The following RABGEF1 variants were observed in gnomAD, a reference collection of about 807,000 sequenced individuals.
RABGEF1 encodes RAB guanine nucleotide exchange factor 1.
In RABGEF1, 26 loss-of-function variants were observed where a neutral mutation model predicts 57.3. That is an observed-to-expected ratio of 0.45 (90% CI 0.33 to 0.63). The LOEUF is 0.63. Ranked by LOEUF, RABGEF1 falls within the 20% of genes least tolerant of loss-of-function variation. The pLI is 0.02. For missense variants in RABGEF1, 464 were observed against 607.6 expected, an observed-to-expected ratio of 0.76 and a Z score of 2.48; for synonymous variants, 185 against 210.7, an observed-to-expected ratio of 0.88 and a Z score of 1.06.
intron 4 of RABGEF1, among the ~76,000 whole-genome samples, chr7:66,784,878 CATG>C (rs1810797569): frequency 6.6e-6 from 1 of 151,422 alleles, no homozygotes; most frequent in African/African-American, 2.4e-5. Flanking sequence ...AGTTAGGAAA[CATG>C]ATAGATATCC....
intron 1 of RABGEF1, among the ~76,000 whole-genome samples, chr7:66,746,288 G>A (rs1434429770): frequency 2.0e-5 from 3 of 150,242 alleles, no homozygotes; most frequent in Non-Finnish European, 1.5e-5. Context: ...TAGGAAGTGT[G>A]ATTTTTTTTT....
the RABGEF1 span, among the ~76,000 whole-genome samples, chr7:66,657,710 A>G: frequency 6.6e-6 from 1 of 152,160 alleles, no homozygotes; most frequent in Non-Finnish European, 1.5e-5. Context: ...AATCCCAGCT[A>G]CTTGGGAGGC....
chr7:66,720,324 A>G (rs1274878266), intron 2 of RABGEF1, among the ~76,000 whole-genome samples: 1 of 151,204 alleles, frequency 6.6e-6, no homozygotes, highest in Non-Finnish European at 1.5e-5. Context: ...CAGCCACCCC[A>G]GTAGCTAGGA....
At chr7:66,690,125 G>A (rs967210427) in intron 1 of RABGEF1, among the ~76,000 whole-genome samples, 3 of 140,946 alleles carry the variant, frequency 2.1e-5, no homozygotes, top group East Asian at 2.1e-4. Flanking sequence ...TTTTTGAGAC[G>A]GAGTCTCGCT....
At chr7:66,771,197 G>T (rs1407998632) in intron 1 of RABGEF1, among the ~76,000 whole-genome samples, 12 of 152,066 alleles carry the variant, frequency 7.9e-5, no homozygotes, top group Non-Finnish European at 1.8e-4. Context: ...GGAGTGCAGT[G>T]GCGTGATCTT....
chr7:66,743,651 G>C (rs559078777), intron 1 of RABGEF1, among the ~76,000 whole-genome samples: 10 of 152,176 alleles, frequency 6.6e-5, no homozygotes, highest in Admixed American at 5.2e-4. Flanking sequence ...ACAGATGCCC[G>C]CCACCATGCC....
chr7:66,730,456 A>G (rs1797176190), intron 2 of RABGEF1, among the ~76,000 whole-genome samples: 1 of 152,130 alleles, frequency 6.6e-6, no homozygotes. Context: ...CAGTGTTGCA[A>G]TCATAGCTCA....
chr7:66,767,519 T>A (rs149299913), intron 1 of RABGEF1, among the ~76,000 whole-genome samples: 1 of 152,360 alleles, frequency 6.6e-6, no homozygotes, highest in African/African-American at 2.4e-5. Context: ...ATGTAAACTT[T>A]TAAGATGGCT....
intron 4 of RABGEF1, among the ~76,000 whole-genome samples, chr7:66,786,128 C>G (rs925374447): frequency 6.6e-6 from 1 of 152,212 alleles, no homozygotes; most frequent in African/African-American, 2.4e-5. Context: ...TTGCCCACAT[C>G]TTTCCCACAT....
intron 2 of RABGEF1, among the ~76,000 whole-genome samples, chr7:66,712,608 C>T (rs1358104700): frequency 3.3e-5 from 5 of 151,926 alleles, no homozygotes; most frequent in African/African-American, 1.2e-4. Context: ...GTAGCTGAGA[C>T]TATAGGTGTG....
chr7:66,675,293 G>T, the RABGEF1 span, among the ~76,000 whole-genome samples: 1 of 152,234 alleles, frequency 6.6e-6, no homozygotes, highest in East Asian at 1.9e-4. Flanking sequence ...AGCCAGGCGT[G>T]GTGGCAGGAG....
intron 2 of RABGEF1, among the ~76,000 whole-genome samples, chr7:66,725,870 G>A (rs1030553173): frequency 9.9e-5 from 15 of 152,234 alleles, no homozygotes; most frequent in East Asian, 5.8e-4. Context: ...TGAGGGGGAC[G>A]TGGACCCTTC....
intron 2 of RABGEF1, among the ~76,000 whole-genome samples, chr7:66,713,025 G>A (rs1286554636): frequency 6.6e-6 from 1 of 150,682 alleles, no homozygotes; most frequent in African/African-American, 2.4e-5. Context: ...TTGTTGATAG[G>A]GCTGGTCTCG....
At chr7:66,673,499 G>A in the RABGEF1 span, among the ~76,000 whole-genome samples, 1 of 151,214 alleles carries the variant, frequency 6.6e-6, no homozygotes, top group Non-Finnish European at 1.5e-5. Flanking sequence ...CCCCACTTGA[G>A]CCTCATTTAT....
intron 1 of RABGEF1, among the ~76,000 whole-genome samples, chr7:66,693,342 C>T (rs1791823886): frequency 6.6e-6 from 1 of 152,182 alleles, no homozygotes; most frequent in African/African-American, 2.4e-5. Context: ...ATTGCAAACA[C>T]GTTGAATACT....
At chr7:66,681,608 G>T (rs1789744453), upstream of RABGEF1, among the ~76,000 whole-genome samples, 1 of 152,030 alleles carries the variant, frequency 6.6e-6, no homozygotes, top group African/African-American at 2.4e-5. Context: ...CTCCCTCTGT[G>T]GCCCAGGGTG....
upstream of RABGEF1, among the ~76,000 whole-genome samples, chr7:66,677,440 A>G (rs576325137): frequency 5.3e-5 from 8 of 152,250 alleles, no homozygotes; most frequent in African/African-American, 1.9e-4. Context: ...CAAGACAAGT[A>G]CCAACCTGAT....
chr7:66,698,200 G>A (rs1349093190), intron 1 of RABGEF1, among the ~76,000 whole-genome samples: 2 of 151,878 alleles, frequency 1.3e-5, no homozygotes, highest in Admixed American at 6.6e-5. Flanking sequence ...GCAAGACTAT[G>A]TCTCCCTAAA....
the RABGEF1 span, among the ~76,000 whole-genome samples, chr7:66,655,854 G>T: frequency 6.6e-6 from 1 of 152,216 alleles, no homozygotes; most frequent in Non-Finnish European, 1.5e-5. Flanking sequence ...CTTCCAAGCA[G>T]TCATGTTTCT....
Sources: allele counts gnomAD v4.1 joint callset (sites outside exome capture counted in the v4.1 genomes callset), GRCh38; gene constraint gnomAD v4.1.1; transcripts MANE v1.5; gene names NCBI Gene and HGNC (gene_info 2026-07-23, HGNC 2026-07-21).